The following FAXDC2 variants were observed in gnomAD, a reference collection of about 807,000 sequenced individuals.
The protein encoded by FAXDC2 is fatty acid hydroxylase domain-containing protein 2.
FAXDC2 carries 41 observed loss-of-function variants against 40.9 expected under a neutral mutation model. That is an observed-to-expected ratio of 1.00 (90% CI 0.78 to 1.30). FAXDC2 has a LOEUF of 1.30. FAXDC2 is among the 50% of genes most tolerant of loss of function. The pLI is 0.00. For missense variants in FAXDC2, 390 were observed against 408.8 expected, an observed-to-expected ratio of 0.95 and a Z score of 0.40; for synonymous variants, 157 against 149.3, an observed-to-expected ratio of 1.05 and a Z score of -0.38.
At chr5:154,845,712 A>T (rs1007716542) in intron 1 of FAXDC2, among the ~76,000 whole-genome samples, 1 of 152,044 alleles carries the variant, frequency 6.6e-6, no homozygotes. Flanking sequence ...GAGCTCATCT[A>T]TTCAGATGCC....
At chr5:154,824,228 A>C in intron 5 of FAXDC2, 1 of 510,134 alleles carries the variant, frequency 2.0e-6, no homozygotes, top group South Asian at 2.4e-5. Flanking sequence ...TCCAAAGTCC[A>C]TTTGGCCTCA....
At chr5:154,840,862 C>T (rs572724087) in intron 1 of FAXDC2, among the ~76,000 whole-genome samples, 7 of 152,224 alleles carry the variant, frequency 4.6e-5, no homozygotes, top group Admixed American at 2.6e-4. Context: ...ACATTTTTTA[C>T]AGATTACTTA....
At chr5:154,834,815 G>A (rs1175888342) in intron 3 of FAXDC2, 28 bp downstream of exon 3, 2 of 1,593,606 alleles carry the variant, frequency 1.3e-6, no homozygotes, top group South Asian at 1.1e-5. Flanking sequence ...CCACCACACT[G>A]CACCCTAGCT....
chr5:154,826,722 G>A (rs897694442), intron 5 of FAXDC2, among the ~76,000 whole-genome samples: 1 of 152,018 alleles, frequency 6.6e-6, no homozygotes, highest in African/African-American at 2.4e-5. Flanking sequence ...TTCTAGGTGT[G>A]ACACCTAATT....
At chr5:154,848,854 C>T (rs1760668621) in intron 1 of FAXDC2, among the ~76,000 whole-genome samples, 1 of 151,924 alleles carries the variant, frequency 6.6e-6, no homozygotes, top group Admixed American at 6.6e-5. Flanking sequence ...GTAATCCCAG[C>T]TGCTCTGGAG....
chr5:154,823,622 A>T, intron 5 of FAXDC2, 30 bp from the exon 6 acceptor site: 1 of 1,588,596 alleles, frequency 6.3e-7, no homozygotes, highest in Non-Finnish European at 8.6e-7. Context: ...AGGGAGATGG[A>T]TAAGAGTGTG....
intron 2 of FAXDC2, chr5:154,836,028 TTACAG>T (rs1760338675): frequency 6.6e-6 from 1 of 151,486 alleles, no homozygotes; most frequent in Admixed American, 6.6e-5. Flanking sequence ...GTAGCTGGGA[TTACAG>T]GCACCTGCCA....
chr5:154,835,047 A>G (rs1760285403), intron 2 of FAXDC2, 113 bp from the exon 3 acceptor site: 2 of 694,316 alleles, frequency 2.9e-6, no homozygotes, highest in Admixed American at 5.0e-5. Context: ...CCAACCAGGA[A>G]GGCACATCTG....
At chr5:154,825,383 G>T (rs2113127925) in intron 5 of FAXDC2, among the ~76,000 whole-genome samples, 2 of 141,232 alleles carry the variant, frequency 1.4e-5, no homozygotes, top group Middle Eastern at 0.01. Flanking sequence ...AGGCAGGCCG[G>T]TGCTGTGGCT....
At chr5:154,821,456 G>T in intron 7 of FAXDC2, 30 bp from the exon 8 acceptor site, 2 of 1,591,096 alleles carry the variant, frequency 1.3e-6, no homozygotes. Flanking sequence ...TGAAGGCAGG[G>T]TCCAGGGAGA....
At chr5:154,848,131 G>A (rs1760647802) in intron 1 of FAXDC2, among the ~76,000 whole-genome samples, 1 of 152,144 alleles carries the variant, frequency 6.6e-6, no homozygotes, top group Non-Finnish European at 1.5e-5. Flanking sequence ...GAGCCACCAT[G>A]CCCGGCCTAC....
Position 154,830,881 on chromosome 5 carries a change from C to A in FAXDC2, c.286G>T (p.Gly96Trp). 1 of 1,614,132 alleles carries A rather than the reference C, an allele frequency of 6.2e-7. No individual in the cohort carries two copies. The highest frequency in any genetic ancestry group is 1.3e-5 in the African/African-American group (1 of 75,032). The part of the protein sequence containing the change: ...VPCLFFWSFN[G>W]LLLVVDTTGK... ...GTTGTGTCAACCACCAATAGAAGCC[C>A]ATTGAAGCTCCAGAAGAAGAGACAA... is the stretch of plus-strand genomic sequence containing the variant. The change falls in exon 5 of 9, where the codon GGG becomes TGG. Residue 96 changes from glycine (G) to tryptophan (W), a missense_variant. Gly to Trp is a radical substitution (Grantham distance 184). Transcript: ENST00000326080.
chr5:154,822,907 T>C (rs1039397156), intron 6 of FAXDC2, among the ~76,000 whole-genome samples: 2 of 152,214 alleles, frequency 1.3e-5, no homozygotes, highest in Admixed American at 6.5e-5. Flanking sequence ...TTGTCCCAAG[T>C]TGTCAGTTAT....
rs758492724 is a variant in FAXDC2, at chr5:154,820,484, A to AG, written c.846-13dup. 7.4e-4 allele frequency: 1,182 copies of AG among 1,602,334 alleles called. 2 individuals carry two copies. The highest frequency in any genetic ancestry group is 2.1e-3 in the South Asian group (189 of 89,130). On this transcript the variant is annotated splice_polypyrimidine_tract_variant and intron_variant, in intron 8 of 8. Transcript: ENST00000326080. ...AGCACTGGTTGAACCTAGAAGAGAG[A>AG]GGACGGCACTGCAGTGCCCATGCTG...
chr5:154,846,174 C>T (rs1760594993), intron 1 of FAXDC2, among the ~76,000 whole-genome samples: 1 of 151,562 alleles, frequency 6.6e-6, no homozygotes, highest in African/African-American at 2.4e-5. Flanking sequence ...GTATAGAATA[C>T]ATTGATGTTG....
At chr5:154,825,872 T>C (rs184669387) in intron 5 of FAXDC2, among the ~76,000 whole-genome samples, 114 of 152,162 alleles carry the variant, frequency 7.5e-4, no homozygotes, top group African/African-American at 2.6e-3. Flanking sequence ...AACTGGAAGA[T>C]TGGAATTGCC....
intron 2 of FAXDC2, chr5:154,835,147 A>G: frequency 2.0e-6 from 1 of 509,978 alleles, no homozygotes; most frequent in Non-Finnish European, 3.5e-6. Flanking sequence ...TATGAAAATT[A>G]GAGCTCAAGT....
rs529716133 is a variant in FAXDC2 at position 154,848,242 on chromosome 5, G to A, written c.-1+2241C>T. Among the ~76,000 whole-genome samples, 54 of 152,244 alleles carry A rather than the reference G, an allele frequency of 3.5e-4. 1 individual carries two copies. The South Asian group carries it at 0.01, about 29-fold the overall frequency. ...ATTGTTGAGACAATTTACTCTTAGA[G>A]GGGGGAGAAAAAAGACCTCATGTTC... On this transcript the variant is annotated intron_variant, in intron 1 of 8. Coordinates refer to ENST00000326080, the MANE Select transcript of FAXDC2 (RefSeq NM_032385.5).
chr5:154,821,294 G>A lies in FAXDC2; in HGVS notation c.811C>T (p.Pro271Ser). ...TGGTAGTCGTGGAATTCAGGCGAAG[G>A]CAGGAAGGGAAGGTGGTAGCCACAG... ...SHCGYHLPFL[P>S]SPEFHDYHHL... Residue 271 changes from proline to serine, a missense_variant, in exon 8 of 9, where the codon CCT (proline) becomes TCT (serine). Transcript: ENST00000326080. 1 of 1,612,108 alleles carries A rather than the reference G, an allele frequency of 6.2e-7. No individual in the cohort carries two copies. Among genetic ancestry groups the A allele is most frequent in the Non-Finnish European group, 8.5e-7 (1 of 1,179,060 alleles).
Sources: allele counts gnomAD v4.1 joint callset (sites outside exome capture counted in the v4.1 genomes callset), GRCh38; gene constraint gnomAD v4.1.1; transcripts MANE v1.5; gene names NCBI Gene and HGNC (gene_info 2026-07-23, HGNC 2026-07-21).